Variants in R3HDM1 observed in about 807,000 individuals in gnomAD.
The protein encoded by R3HDM1 is R3H domain containing 1, also known as R3H domain-containing protein 1.
Under a neutral mutation model 141.1 loss-of-function variants are expected in R3HDM1, and 46 were observed. That is an observed-to-expected ratio of 0.33 (90% CI 0.26 to 0.42). R3HDM1 has a LOEUF of 0.42. Ranked by LOEUF, R3HDM1 falls within the 10% of genes least tolerant of loss-of-function variation. The pLI is 1.00. For missense variants in R3HDM1, 1,184 were observed against 1,368.3 expected (o/e 0.87, Z 2.12); for synonymous variants, 435 against 472.9 (o/e 0.92, Z 1.04).
At chr2:135,671,942 CT>C (rs1386949354) in intron 19 of R3HDM1, among the ~76,000 whole-genome samples, 4 of 151,520 alleles carry the variant, frequency 2.6e-5, no homozygotes, top group Non-Finnish European at 5.9e-5. Context: ...TGCCACTGCA[CT>C]CCAACCTGGC....
At chr2:135,674,120 A>G in intron 19 of R3HDM1, among the ~76,000 whole-genome samples, 1 of 152,218 alleles carries the variant, frequency 6.6e-6, no homozygotes, top group Middle Eastern at 3.4e-3. Context: ...TACTGGATAT[A>G]CCTTGTGGTT....
At chr2:135,666,256 T>A (rs1438597867) in intron 19 of R3HDM1, among the ~76,000 whole-genome samples, 1 of 152,172 alleles carries the variant, frequency 6.6e-6, no homozygotes, top group Admixed American at 6.6e-5. Context: ...CACTACTGGG[T>A]AAGCAGGTGA....
At position 135,609,330 on chromosome 2, in the gene R3HDM1, TC is replaced by T. The variant is rs768521210; in HGVS notation, c.171+4315del. On this transcript the variant is annotated intron_variant, in intron 3 of 26. Transcript: ENST00000683871. ...TTTTATAGAAATTTTAGGATTACTT[TC>T]ATAAAAATTTCTTAATACTTCAGAG... Among the ~76,000 whole-genome samples, 102 of 152,356 alleles carry T rather than the reference TC, an allele frequency of 6.7e-4. 1 individual carries two copies. Among genetic ancestry groups the T allele is most frequent in the Non-Finnish European group, 1.0e-3 (71 of 68,030 alleles).
intron 21 of R3HDM1, among the ~76,000 whole-genome samples, chr2:135,689,428 T>TA (rs1478686360): frequency 6.6e-6 from 1 of 152,232 alleles, no homozygotes; most frequent in African/African-American, 2.4e-5. Flanking sequence ...CATACAGTCT[T>TA]ACTATGTTTT....
At chr2:135,626,209 G>GTGCGTGCGTGTGTGCTTGCTTGCTTGCT (rs1553576639) in intron 7 of R3HDM1, among the ~76,000 whole-genome samples, 10 of 143,334 alleles carry the variant, frequency 7.0e-5, no homozygotes, top group South Asian at 4.3e-4. Flanking sequence ...GCGTGCGTGC[G>GTGCGTGCGTGTGTGCTTGCTTGCTTGCT]TGCTTGCTTG....
At position 135,724,824 on chromosome 2, in the gene R3HDM1, A is replaced by G. The variant is rs1484924352; in HGVS notation, c.*532A>G. The G allele has an allele frequency of 2.0e-5, 3 of 152,676 alleles. No individual in the cohort carries two copies. The highest frequency in any genetic ancestry group is 6.5e-5 in the Admixed American group (1 of 15,288). 9.5% of individuals were successfully genotyped at this position (152,676 alleles called of 1,614,324 possible). On this transcript the variant is annotated 3_prime_UTR_variant, in exon 27 of 27. Transcript: ENST00000683871. ...TCTTCCCCTGAATCTCTAAACTCAG[A>G]AACAATTACCAAAAAATACATAACT...
rs1326814253 is a variant in R3HDM1, at chr2:135,605,003, A to G, written c.158A>G (p.Asn53Ser). 6.3e-7 allele frequency: 1 copy of G among 1,597,444 alleles called. No individual in the cohort carries two copies. The change falls in exon 3 of 27, where the codon AAT becomes AGT. Residue 53 changes from asparagine to serine, a missense_variant. Around this residue, in one of 5 missense-constraint regions of R3HDM1, gnomAD observed 192 missense variants for 215.7 expected, o/e 0.89. Transcript: ENST00000683871. ...AAGAATGAACATTGTATTGAGAACAATATAGATTTGCAGGTAAACAGGAAT... is the reference window on the plus strand; with the variant it reads ...AAGAATGAACATTGTATTGAGAACAGTATAGATTTGCAGGTAAACAGGAAT... ...VEKNEHCIENNIDLQRPLQSF... is the reference protein window; with the variant it reads ...VEKNEHCIENSIDLQRPLQSF...
intron 1 of R3HDM1, among the ~76,000 whole-genome samples, chr2:135,575,249 C>A (rs953844491): frequency 9.2e-5 from 14 of 152,238 alleles, no homozygotes; most frequent in African/African-American, 3.1e-4. Flanking sequence ...ATGGCACAAT[C>A]TTGGCTCACT....
At chr2:135,619,386 T>C (rs2105170446) in intron 5 of R3HDM1, among the ~76,000 whole-genome samples, 1 of 152,362 alleles carries the variant, frequency 6.6e-6, no homozygotes, top group East Asian at 1.9e-4. Flanking sequence ...GGAATATATG[T>C]TGTGTATTGA....
intron 1 of R3HDM1, among the ~76,000 whole-genome samples, chr2:135,553,213 A>G (rs1559109608): frequency 6.6e-6 from 1 of 152,280 alleles, no homozygotes; most frequent in East Asian, 1.9e-4. Flanking sequence ...TTTCTTGGCT[A>G]TCTAGATTAT....
At chr2:135,719,636 T>C (rs2076514636) in intron 24 of R3HDM1, among the ~76,000 whole-genome samples, 1 of 152,222 alleles carries the variant, frequency 6.6e-6, no homozygotes, top group Admixed American at 6.5e-5. Context: ...TATGCGTTTC[T>C]ATCTATACTT....
intron 1 of R3HDM1, among the ~76,000 whole-genome samples, chr2:135,590,348 T>G (rs1001742806): frequency 6.6e-6 from 1 of 152,136 alleles, no homozygotes; most frequent in Non-Finnish European, 1.5e-5. Context: ...GAACATTTTT[T>G]TATTCCAGTA....
chr2:135,720,215 T>C, intron 24 of R3HDM1, among the ~76,000 whole-genome samples: 1 of 152,230 alleles, frequency 6.6e-6, no homozygotes. Context: ...CCCCATGTCA[T>C]ATCTGCCCTT....
chr2:135,560,674 A>G (rs1701634962), intron 1 of R3HDM1, among the ~76,000 whole-genome samples: 1 of 152,228 alleles, frequency 6.6e-6, no homozygotes, highest in African/African-American at 2.4e-5. Context: ...ATCTTTGGAT[A>G]AGAATAAAAA....
At chr2:135,586,340 G>C (rs144156825) in intron 1 of R3HDM1, 1 of 152,578 alleles carries the variant, frequency 6.6e-6, no homozygotes, top group South Asian at 2.1e-4. Context: ...AGTCCTCCTC[G>C]GCAAGTGCTT....
At chr2:135,675,539 G>A in intron 20 of R3HDM1, 53 bp downstream of exon 20, 1 of 1,504,840 alleles carries the variant, frequency 6.6e-7, no homozygotes, top group Non-Finnish European at 9.1e-7. Flanking sequence ...AATAAATTAA[G>A]TGCACAACTA....
chr2:135,556,441 G>GA (rs1023405102), intron 1 of R3HDM1, among the ~76,000 whole-genome samples: 6 of 151,376 alleles, frequency 4.0e-5, no homozygotes, highest in African/African-American at 1.5e-4. Flanking sequence ...ATCAAAAAAT[G>GA]AAAAAATCAA....
At chr2:135,708,303 T>G (rs1298367377) in intron 21 of R3HDM1, among the ~76,000 whole-genome samples, 4 of 152,224 alleles carry the variant, frequency 2.6e-5, no homozygotes, top group Non-Finnish European at 5.9e-5. Context: ...CAAATATTGC[T>G]TATGTTTTTA....
chr2:135,561,522 G>A (rs1380527612), intron 1 of R3HDM1, among the ~76,000 whole-genome samples: 1 of 152,108 alleles, frequency 6.6e-6, no homozygotes, highest in Admixed American at 6.6e-5. Context: ...TTCATGACCA[G>A]TCTGGGCAAC....
Sources: allele counts gnomAD v4.1 joint callset (sites outside exome capture counted in the v4.1 genomes callset), GRCh38; gene constraint gnomAD v4.1.1; regional missense constraint gnomAD v4.1.1; transcripts MANE v1.5; gene names NCBI Gene and HGNC (gene_info 2026-07-23, HGNC 2026-07-21).